The following IL1RAPL1 variants were observed in gnomAD, a reference collection of about 807,000 sequenced individuals.
IL1RAPL1 encodes the protein interleukin-1 receptor accessory protein-like 1.
Under a neutral mutation model 48.4 loss-of-function variants are expected in IL1RAPL1, and 3 were observed. The ratio of observed to expected loss-of-function variants is 0.06; its 90% confidence interval spans 0.03 to 0.16. The LOEUF (loss-of-function observed/expected upper bound fraction) is 0.16. IL1RAPL1 is among the 10% of genes least tolerant of loss of function. The pLI is 1.00. For missense variants in IL1RAPL1, 349 were observed against 530.6 expected, an observed-to-expected ratio of 0.66 and a Z score of 3.36; for synonymous variants, 185 against 187.7, an observed-to-expected ratio of 0.99 and a Z score of 0.12.
chrX:29,107,601 T>TA (rs1270606059), intron 2 of IL1RAPL1, among the ~76,000 whole-genome samples: 3 of 111,116 alleles, frequency 2.7e-5, no homozygotes, highest in African/African-American at 9.8e-5. Flanking sequence ...CTTTGCCCAT[T>TA]AAAAAAAATA....
intron 2 of IL1RAPL1, among the ~76,000 whole-genome samples, chrX:28,935,759 A>G (rs1477407953): frequency 8.9e-6 from 1 of 111,797 alleles, no homozygotes; most frequent in African/African-American, 3.2e-5. Context: ...TGACTGTTGA[A>G]CGTATTCTCA....
intron 2 of IL1RAPL1, among the ~76,000 whole-genome samples, chrX:29,160,080 A>C: frequency 8.9e-6 from 1 of 112,249 alleles, no homozygotes; most frequent in South Asian, 3.7e-4. Flanking sequence ...CAATGTCCTT[A>C]TGTGGTAGGA....
chrX:29,067,112 T>C, intron 2 of IL1RAPL1, among the ~76,000 whole-genome samples: 1 of 111,802 alleles, frequency 8.9e-6, no homozygotes, highest in Middle Eastern at 4.6e-3. Flanking sequence ...TGTTTGTTTT[T>C]AATAATTGTC....
intron 5 of IL1RAPL1, among the ~76,000 whole-genome samples, chrX:29,604,732 GACCATGAACCCAA>G (rs1222683610): frequency 3.6e-5 from 4 of 111,890 alleles, no homozygotes; most frequent in Admixed American, 9.5e-5. Context: ...AAACTCTTCA[GACCATGAACCCAA>G]ACTGAGAATG....
intron 1 of IL1RAPL1, among the ~76,000 whole-genome samples, chrX:28,638,266 A>G (rs1934489673): frequency 1.8e-5 from 2 of 111,742 alleles, no homozygotes; most frequent in Non-Finnish European, 3.8e-5. Context: ...AGGCTAAACA[A>G]GAAAATACAG....
chrX:29,584,454 C>T (rs1032818777), intron 5 of IL1RAPL1, among the ~76,000 whole-genome samples: 44 of 111,707 alleles, frequency 3.9e-4, no homozygotes, highest in African/African-American at 1.4e-3. Context: ...TAATTTATCT[C>T]CTCCCATTCT....
intron 2 of IL1RAPL1, among the ~76,000 whole-genome samples, chrX:29,178,658 G>A (rs891886269): frequency 8.9e-6 from 1 of 111,882 alleles, no homozygotes; most frequent in Non-Finnish European, 1.9e-5. Context: ...TTTCAGTCAT[G>A]AAGTCCTTGC....
chrX:28,628,516 T>C (rs1183095782), intron 1 of IL1RAPL1, among the ~76,000 whole-genome samples: 1 of 112,020 alleles, frequency 8.9e-6, no homozygotes. Flanking sequence ...CTGAAGAAAA[T>C]TGCAGCACAG....
chrX:29,864,398 C>G (rs1317489093), intron 6 of IL1RAPL1, among the ~76,000 whole-genome samples: 1 of 111,911 alleles, frequency 8.9e-6, no homozygotes, highest in Non-Finnish European at 1.9e-5. Context: ...TGTTTTGGCT[C>G]TCTTTATCTC....
At chrX:29,700,936 C>T (rs1023721455) in intron 6 of IL1RAPL1, among the ~76,000 whole-genome samples, 3 of 111,629 alleles carry the variant, frequency 2.7e-5, no homozygotes, top group Admixed American at 1.9e-4. Flanking sequence ...TATAATTTAT[C>T]TATAGAGAAT....
chrX:28,841,894 T>G (rs1189049867), intron 2 of IL1RAPL1, among the ~76,000 whole-genome samples: 2 of 111,026 alleles, frequency 1.8e-5, no homozygotes, highest in Admixed American at 1.9e-4. Context: ...GTAGAGATTC[T>G]TATGAATATG....
chrX:29,697,927 A>G (rs1926955754), intron 6 of IL1RAPL1, among the ~76,000 whole-genome samples: 1 of 111,555 alleles, frequency 9.0e-6, no homozygotes, highest in African/African-American at 3.3e-5. Flanking sequence ...CTAAAGCGTA[A>G]TATGGACCAT....
At chrX:29,909,754 T>TCAAAA (rs1340927569) in intron 6 of IL1RAPL1, among the ~76,000 whole-genome samples, 1 of 111,509 alleles carries the variant, frequency 9.0e-6, no homozygotes, top group Admixed American at 9.6e-5. Context: ...GATTAAAAAG[T>TCAAAA]CAAAACATAA....
At chrX:29,911,467 T>G (rs1932755842) in intron 6 of IL1RAPL1, among the ~76,000 whole-genome samples, 1 of 112,045 alleles carries the variant, frequency 8.9e-6, no homozygotes, top group African/African-American at 3.2e-5. Context: ...GCTATGTGAA[T>G]TGTATCTCAG....
At chrX:29,666,238 G>T (rs1359864156) in intron 5 of IL1RAPL1, among the ~76,000 whole-genome samples, 1 of 111,276 alleles carries the variant, frequency 9.0e-6, no homozygotes, top group Admixed American at 9.6e-5. Flanking sequence ...ACATTATTCT[G>T]TTTAATATAT....
At chrX:29,022,806 A>G (rs1406814457) in intron 2 of IL1RAPL1, among the ~76,000 whole-genome samples, 1 of 102,943 alleles carries the variant, frequency 9.7e-6, no homozygotes, top group Non-Finnish European at 1.9e-5. Flanking sequence ...GTATTACAAG[A>G]TCCAATAGAT....
chrX:29,948,958 G>A (rs1248140622), intron 9 of IL1RAPL1, among the ~76,000 whole-genome samples: 2 of 111,660 alleles, frequency 1.8e-5, no homozygotes, highest in African/African-American at 6.5e-5. Context: ...CATTTCTACT[G>A]TCAGTAAATC....
chrX:29,282,605 T>C (rs1245474371), intron 2 of IL1RAPL1, among the ~76,000 whole-genome samples: 2 of 111,869 alleles, frequency 1.8e-5, no homozygotes, highest in Non-Finnish European at 3.8e-5. Context: ...GAAAAACATA[T>C]CTCAAAGGCC....
intron 1 of IL1RAPL1, among the ~76,000 whole-genome samples, chrX:28,678,517 T>G (rs1935024713): frequency 8.9e-6 from 1 of 111,911 alleles, no homozygotes; most frequent in South Asian, 3.7e-4. Context: ...AAAATGCATT[T>G]TGAGGCTGAA....
Sources: allele counts gnomAD v4.1 joint callset (sites outside exome capture counted in the v4.1 genomes callset), GRCh38; gene constraint gnomAD v4.1.1; transcripts MANE v1.5; gene names NCBI Gene and HGNC (gene_info 2026-07-23, HGNC 2026-07-21).